ZNF710: variants seen among roughly 807,000 people sequenced by gnomAD.
ZNF710 encodes the protein zinc finger protein 710.
A neutral mutation model predicts 50.6 loss-of-function variants in ZNF710; 13 were observed. The observed-to-expected ratio is 0.26, with a 90% CI of 0.17 to 0.41. The LOEUF (loss-of-function observed/expected upper bound fraction) is 0.41. Among genes scored for constraint, ZNF710 ranks in the 10% least tolerant of loss-of-function variants. The pLI is 1.00. For synonymous variants in ZNF710, 383 were observed against 397.0 expected, an observed-to-expected ratio of 0.96 and a Z score of 0.42; for missense variants, 721 against 936.6, an observed-to-expected ratio of 0.77 and a Z score of 3.01.
chr15:90,026,923 T>G (rs1199998360), intron 1 of ZNF710, among the ~76,000 whole-genome samples: 2 of 152,172 alleles, frequency 1.3e-5, no homozygotes, highest in Non-Finnish European at 2.9e-5. Context: ...TGTAATTAAC[T>G]TAAACACTAG....
chr15:90,029,316 T>G (rs1395642116), intron 1 of ZNF710, among the ~76,000 whole-genome samples: 5 of 152,170 alleles, frequency 3.3e-5, no homozygotes, highest in African/African-American at 1.2e-4. Context: ...TACAGGGTGG[T>G]GAGCTCTCCT....
chr15:90,023,588 G>A (rs78056272), intron 1 of ZNF710, among the ~76,000 whole-genome samples: 1 of 152,316 alleles, frequency 6.6e-6, no homozygotes, highest in East Asian at 1.9e-4. Flanking sequence ...GGTGGCTGAG[G>A]CAGGAAGATC....
chr15:90,020,132 A>G (rs1242332931), intron 1 of ZNF710, among the ~76,000 whole-genome samples: 1 of 152,202 alleles, frequency 6.6e-6, no homozygotes, highest in African/African-American at 2.4e-5. Context: ...AGTAGCATTT[A>G]CGTGGTCTAA....
At position 90,060,062 on chromosome 15, in the gene ZNF710, G is replaced by A. The variant is rs1341661966; in HGVS notation, c.-28-7048G>A. ...CTCTTGCTCTGTTGGGTCCTGAACTGCCTCCACGGAAGCCAGTCCTCAGTC... is the reference window on the plus strand; with the variant it reads ...CTCTTGCTCTGTTGGGTCCTGAACTACCTCCACGGAAGCCAGTCCTCAGTC... On this transcript the variant is annotated intron_variant, in intron 1 of 4. Transcript: ENST00000268154. 2.6e-5 allele frequency among the ~76,000 whole-genome samples: 4 copies of A among 151,356 alleles called. 1 individual carries two copies. The highest frequency in any genetic ancestry group is 9.7e-5 in the African/African-American group (4 of 41,090).
intron 1 of ZNF710, among the ~76,000 whole-genome samples, chr15:90,021,506 C>G (rs1487527113): frequency 6.6e-6 from 1 of 152,198 alleles, no homozygotes; most frequent in African/African-American, 2.4e-5. Context: ...CAGGCCTGCA[C>G]CATCCTGAAT....
At chr15:90,025,493 C>G (rs760658275) in intron 1 of ZNF710, 1 of 152,162 alleles carries the variant, frequency 6.6e-6, no homozygotes, top group Non-Finnish European at 1.5e-5. Context: ...ATTACCAACA[C>G]CATTTAGTAC....
At chr15:90,041,697 C>T (rs1424906971) in intron 1 of ZNF710, among the ~76,000 whole-genome samples, 1 of 152,140 alleles carries the variant, frequency 6.6e-6, no homozygotes, top group Non-Finnish European at 1.5e-5. Context: ...GCTCTCACAA[C>T]ACCATAAGTT....
chr15:90,008,420 G>GTGTGTGTATATATATATATACATATATA (rs1898192893), intron 1 of ZNF710, among the ~76,000 whole-genome samples: 6 of 127,104 alleles, frequency 4.7e-5, no homozygotes, highest in Middle Eastern at 3.8e-3. Flanking sequence ...GTGTGTGTGT[G>GTGTGTGTATATATATATATACATATATA]TGTGTGTATA....
chr15:90,065,799 C>T (rs1008274379), intron 1 of ZNF710, among the ~76,000 whole-genome samples: 4 of 152,084 alleles, frequency 2.6e-5, no homozygotes, highest in South Asian at 2.1e-4. Context: ...CCTAGCATTT[C>T]GGGGGGCTGA....
intron 1 of ZNF710, among the ~76,000 whole-genome samples, chr15:90,010,087 C>T (rs1898258285): frequency 1.3e-5 from 2 of 152,124 alleles, no homozygotes; most frequent in Non-Finnish European, 2.9e-5. Context: ...GCTTTGGTGC[C>T]TTGGCCACAG....
intron 1 of ZNF710, among the ~76,000 whole-genome samples, chr15:90,036,870 A>G (rs1188057763): frequency 6.6e-6 from 1 of 152,164 alleles, no homozygotes; most frequent in Non-Finnish European, 1.5e-5. Context: ...ATCTCCAGCC[A>G]CTGTTCCCAG....
intron 1 of ZNF710, among the ~76,000 whole-genome samples, chr15:90,003,481 A>G (rs116624534): frequency 0.017 from 2,573 of 152,170 alleles, 79 homozygotes; most frequent in African/African-American, 0.059. Context: ...AAAACCAGTC[A>G]AAGTTCATTT....
chr15:90,028,989 C>T (rs1342428981), intron 1 of ZNF710, among the ~76,000 whole-genome samples: 2 of 152,138 alleles, frequency 1.3e-5, no homozygotes, highest in African/African-American at 2.4e-5. Flanking sequence ...TTTTCTCATC[C>T]GTCTTTTTCA....
rs186811599 is a variant in ZNF710, at chr15:90,016,816, A to G, written c.-29+15202A>G. The stretch of plus-strand genomic sequence containing the variant: ...CTGCAAAGGGAGTGACTGTAAAGAA[A>G]CTTCCACTCCTGCCTCTGCAGCTGG... On this transcript the variant is annotated intron_variant, in intron 1 of 4. Coordinates refer to ENST00000268154, the MANE Select transcript of ZNF710 (RefSeq NM_198526.4). 9.3e-3 allele frequency among the ~76,000 whole-genome samples: 1,414 copies of G among 152,236 alleles called. 23 individuals carry two copies. Among genetic ancestry groups the G allele is most frequent in the African/African-American group, 0.032 (1,320 of 41,536 alleles).
intron 1 of ZNF710, among the ~76,000 whole-genome samples, chr15:90,056,648 G>A (rs935737315): frequency 1.3e-5 from 2 of 152,184 alleles, no homozygotes; most frequent in Admixed American, 6.5e-5. Context: ...AAAGAAGCAC[G>A]CATGCGTTTA....
At chr15:90,020,437 A>G (rs750414465) in intron 1 of ZNF710, among the ~76,000 whole-genome samples, 48 of 151,922 alleles carry the variant, frequency 3.2e-4, no homozygotes, top group Admixed American at 5.2e-4. Context: ...CTTTCTTCTC[A>G]GTTCTGCCAA....
chr15:90,041,949 G>A (rs1006780671), intron 1 of ZNF710, among the ~76,000 whole-genome samples: 1 of 143,356 alleles, frequency 7.0e-6, no homozygotes, highest in African/African-American at 2.6e-5. Flanking sequence ...CCAGGCTTGA[G>A]TGCAGTGGCA....
chr15:90,039,001 A>G (rs568833221), intron 1 of ZNF710, among the ~76,000 whole-genome samples: 4 of 152,192 alleles, frequency 2.6e-5, no homozygotes, highest in Non-Finnish European at 5.9e-5. Flanking sequence ...GCTTCCTGCC[A>G]GGTGAGGTGG....
intron 1 of ZNF710, among the ~76,000 whole-genome samples, chr15:90,032,101 A>G (rs765969485): frequency 1.3e-5 from 2 of 152,160 alleles, no homozygotes; most frequent in Non-Finnish European, 2.9e-5. Flanking sequence ...GGTTCAAGCA[A>G]TTCTCTTGCC....
Sources: gnomAD v4.1 joint callset for allele counts (sites outside exome capture counted in the v4.1 genomes callset) on GRCh38, gnomAD v4.1.1 for gene constraint, MANE v1.5 for transcripts, NCBI Gene and HGNC (gene_info 2026-07-23, HGNC 2026-07-21) for gene names.